EDIL3: variants seen among roughly 807,000 people sequenced by gnomAD.
EDIL3 encodes the protein EGF like and discoidin domains 3.
Under a neutral mutation model 67.4 loss-of-function variants are expected in EDIL3, and 37 were observed. The observed-to-expected ratio is 0.55, with a 90% CI of 0.42 to 0.72. The LOEUF is 0.72. Among genes scored for constraint, EDIL3 ranks in the 30% least tolerant of loss-of-function variants. The pLI is 0.00. For missense variants in EDIL3, 527 were observed against 586.3 expected (o/e 0.90, Z 1.04); for synonymous variants, 195 against 196.3 (o/e 0.99, Z 0.05).
chr5:84,039,908 A>T (rs1231156111), intron 9 of EDIL3, among the ~76,000 whole-genome samples: 1 of 152,116 alleles, frequency 6.6e-6, no homozygotes, highest in Non-Finnish European at 1.5e-5. Context: ...GTAGTCTTAA[A>T]GCAAATGCTA....
At chr5:83,990,306 G>A (rs1745127088) in intron 9 of EDIL3, among the ~76,000 whole-genome samples, 1 of 152,004 alleles carries the variant, frequency 6.6e-6, no homozygotes, top group East Asian at 1.9e-4. Context: ...GGCCAACCTG[G>A]TGAAATCCCG....
chr5:84,055,634 A>T (rs1746430674), intron 9 of EDIL3, among the ~76,000 whole-genome samples: 1 of 152,186 alleles, frequency 6.6e-6, no homozygotes, highest in Admixed American at 6.5e-5. Context: ...CAACCCCATC[A>T]AAAAGTGGGC....
intron 1 of EDIL3, among the ~76,000 whole-genome samples, chr5:84,311,040 T>A (rs1746376796): frequency 6.6e-6 from 1 of 152,176 alleles, no homozygotes; most frequent in Non-Finnish European, 1.5e-5. Flanking sequence ...TATCATTGGA[T>A]GAAGTAGTTT....
chr5:83,963,898 T>C (rs1441592694), intron 9 of EDIL3, among the ~76,000 whole-genome samples: 1 of 151,824 alleles, frequency 6.6e-6, no homozygotes, highest in East Asian at 1.9e-4. Context: ...CAATAATATA[T>C]AATTGAGTAA....
intron 1 of EDIL3, among the ~76,000 whole-genome samples, chr5:84,256,451 A>C (rs1362279080): frequency 1.3e-5 from 2 of 152,178 alleles, no homozygotes; most frequent in African/African-American, 2.4e-5. Context: ...TCAGGTGATG[A>C]AGAGGAGAGA....
chr5:84,001,965 T>TAAAGAAAGAA (rs1324666550), intron 9 of EDIL3, among the ~76,000 whole-genome samples: 13 of 151,428 alleles, frequency 8.6e-5, no homozygotes, highest in African/African-American at 3.1e-4. Context: ...TAAATAAATA[T>TAAAGAAAGAA]AAAGAAAGAA....
chr5:84,377,205 C>T (rs1747985018), intron 1 of EDIL3, among the ~76,000 whole-genome samples: 1 of 150,992 alleles, frequency 6.6e-6, no homozygotes, highest in Non-Finnish European at 1.5e-5. Flanking sequence ...CCCAGCTATT[C>T]AGGAGGCTGA....
Position 84,309,758 on chromosome 5 carries a change from G to A in EDIL3, c.68-55546C>T, listed in dbSNP as rs182981321. On this transcript the variant is annotated intron_variant, in intron 1 of 10. Coordinates refer to ENST00000296591, the MANE Select transcript of EDIL3 (RefSeq NM_005711.5). ...CAGTCGATCATTGTTGGACATTTGG[G>A]TTGATTCCAAGTCTTTGCTATTGTG... is the stretch of plus-strand genomic sequence containing the variant. Among the ~76,000 whole-genome samples the A allele has an allele frequency of 2.0e-5, 3 of 152,272 alleles. No homozygotes were observed. In the East Asian group the frequency reaches 5.8e-4, roughly 29 times the overall value.
chr5:84,331,635 T>G (rs534140768), intron 1 of EDIL3, among the ~76,000 whole-genome samples: 2 of 152,300 alleles, frequency 1.3e-5, no homozygotes, highest in South Asian at 4.1e-4. Flanking sequence ...CTCTTTCCTT[T>G]ATAAATTACC....
chr5:83,958,035 G>T (rs1464839566), intron 10 of EDIL3, among the ~76,000 whole-genome samples: 1 of 151,466 alleles, frequency 6.6e-6, no homozygotes, highest in Non-Finnish European at 1.5e-5. Flanking sequence ...AAGGGAATTG[G>T]CAAACTTATT....
intron 9 of EDIL3, among the ~76,000 whole-genome samples, chr5:83,974,088 A>C (rs1179534934): frequency 6.6e-6 from 1 of 151,834 alleles, no homozygotes; most frequent in Non-Finnish European, 1.5e-5. Flanking sequence ...CCTTTACATC[A>C]TTTTGTTTCA....
intron 2 of EDIL3, among the ~76,000 whole-genome samples, chr5:84,250,315 A>G (rs183493413): frequency 1.3e-5 from 2 of 152,214 alleles, no homozygotes; most frequent in Non-Finnish European, 2.9e-5. Flanking sequence ...GTGGGGATAC[A>G]GAGAGGCAGA....
In EDIL3 at chr5:84,016,209, TTG is replaced by T. The variant is rs568614572; in HGVS notation, c.1137+44089_1137+44090del. On this transcript the variant is annotated intron_variant, in intron 9 of 10. Transcript: ENST00000296591. ...CATGTTGTAAATCTGTTTTATTATATTGTGTGTTACAGTTCTTAGAGCAAATT... is the reference window on the plus strand; with the variant it reads ...CATGTTGTAAATCTGTTTTATTATATTGTGTTACAGTTCTTAGAGCAAATT... Among the ~76,000 whole-genome samples the T allele has an allele frequency of 1.1e-4, 16 of 152,312 alleles. No individual in the cohort carries two copies. In the South Asian group the frequency reaches 2.5e-3, roughly 24 times the overall value.
intron 2 of EDIL3, among the ~76,000 whole-genome samples, chr5:84,249,830 C>T (rs1744987762): frequency 6.6e-6 from 1 of 152,078 alleles, no homozygotes; most frequent in East Asian, 1.9e-4. Flanking sequence ...AGAGGTGGCT[C>T]ATGCCTGTAA....
chr5:83,976,052 A>G (rs1456801948), intron 9 of EDIL3, among the ~76,000 whole-genome samples: 2 of 151,904 alleles, frequency 1.3e-5, no homozygotes, highest in East Asian at 1.9e-4. Context: ...CAGAATCACT[A>G]TAGGCCCAAC....
chr5:84,106,546 T>C (rs1747466025), intron 6 of EDIL3, 103 bp downstream of exon 6: 4 of 1,371,792 alleles, frequency 2.9e-6, no homozygotes, highest in African/African-American at 1.5e-5. Flanking sequence ...CCTCTGACCA[T>C]AAGGAAGAGT....
chr5:84,158,792 C>A (rs1419430719), intron 4 of EDIL3, among the ~76,000 whole-genome samples: 1 of 152,012 alleles, frequency 6.6e-6, no homozygotes, highest in Admixed American at 6.6e-5. Context: ...GTGATAAGTT[C>A]TCTTAATTTT....
intron 5 of EDIL3, among the ~76,000 whole-genome samples, chr5:84,108,779 G>GA (rs2112285621): frequency 6.6e-6 from 1 of 152,250 alleles, no homozygotes; most frequent in African/African-American, 2.4e-5. Flanking sequence ...TGTTTGGATG[G>GA]AAAAATGAAA....
rs1747291030 is a variant in EDIL3, at chr5:84,348,762, A to C, written c.67+35546T>G. Among the ~76,000 whole-genome samples, 4 of 152,250 alleles carry C rather than the reference A, an allele frequency of 2.6e-5. No individual in the cohort carries two copies. In the South Asian group the frequency reaches 8.3e-4, roughly 32 times the overall value. On this transcript the variant is annotated intron_variant, in intron 1 of 10. Transcript: ENST00000296591. ...TTCACCAACACACAGAAGGTCTCCA[A>C]TTTCTACTGAAGGCATAAGTATCAT...
Sources: gnomAD v4.1 joint callset for allele counts (sites outside exome capture counted in the v4.1 genomes callset) on GRCh38, gnomAD v4.1.1 for gene constraint, MANE v1.5 for transcripts, NCBI Gene and HGNC (gene_info 2026-07-23, HGNC 2026-07-21) for gene names.